Variants in PRKCB observed in about 807,000 individuals in gnomAD.
The protein encoded by PRKCB is protein kinase C beta type.
A neutral mutation model predicts 81.5 loss-of-function variants in PRKCB; 13 were observed. That is an observed-to-expected ratio of 0.16 (90% CI 0.10 to 0.25). The LOEUF (loss-of-function observed/expected upper bound fraction) is 0.25. Ranked by LOEUF, PRKCB falls within the 10% of genes least tolerant of loss-of-function variation. PRKCB has a pLI of 1.00. For missense variants in PRKCB, 509 were observed against 875.7 expected (o/e 0.58, Z 5.29); for synonymous variants, 335 against 321.4 (o/e 1.04, Z -0.45).
At chr16:24,108,343 AAATTTATTT>A (rs1350357383) in intron 7 of PRKCB, among the ~76,000 whole-genome samples, 86 of 126,596 alleles carry the variant, frequency 6.8e-4, no homozygotes, top group African/African-American at 2.5e-3. Flanking sequence ...ATTTTTTTTT[AAATTTATTT>A]ATTTATTTAT....
intron 5 of PRKCB, among the ~76,000 whole-genome samples, chr16:24,086,508 A>G (rs1006563841): frequency 6.6e-6 from 1 of 152,308 alleles, no homozygotes; most frequent in Middle Eastern, 3.4e-3. Context: ...TCTGGGTTCT[A>G]TGATGCAAAC....
intron 3 of PRKCB, among the ~76,000 whole-genome samples, chr16:24,000,818 G>A (rs1965023615): frequency 6.6e-6 from 1 of 152,096 alleles, no homozygotes; most frequent in Admixed American, 6.5e-5. Context: ...CTCAAATTCT[G>A]TGATGCAGTG....
intron 16 of PRKCB, among the ~76,000 whole-genome samples, chr16:24,206,238 T>C (rs868822426): frequency 5.7e-4 from 87 of 152,326 alleles, no homozygotes; most frequent in Admixed American, 4.2e-3. Flanking sequence ...TGTATGCAGC[T>C]TTGAGCATCT....
Position 24,217,066 on chromosome 16 carries a change from C to T in PRKCB, c.*2250C>T, listed in dbSNP as rs762806678. 1.0e-6 allele frequency: 1 copy of T among 967,236 alleles called. No individual in the cohort carries two copies. Among genetic ancestry groups the T allele is most frequent in the South Asian group, 4.8e-5 (1 of 20,726 alleles). 59.9% of individuals were successfully genotyped at this position (967,236 alleles called of 1,614,324 possible). A position where few individuals can be genotyped will look rare whatever the true frequency, so the allele number is the denominator to read the frequency against. On this transcript the variant is annotated 3_prime_UTR_variant, in exon 17 of 17. Transcript: ENST00000643927. ...AATGATCTGAGACAACTTTAGAAAA[C>T]AATGTAGGATGAATGGAAAGAGAAA... is the stretch of plus-strand genomic sequence containing the variant.
At chr16:24,151,434 T>C (rs1369586977) in intron 9 of PRKCB, among the ~76,000 whole-genome samples, 4 of 152,232 alleles carry the variant, frequency 2.6e-5, no homozygotes, top group African/African-American at 9.7e-5. Context: ...TTTAAAATGC[T>C]AAGCAAATAA....
At chr16:23,971,511 G>C (rs559538206) in intron 2 of PRKCB, among the ~76,000 whole-genome samples, 2 of 152,184 alleles carry the variant, frequency 1.3e-5, no homozygotes, top group South Asian at 2.1e-4. Flanking sequence ...TCCCTTGCTG[G>C]TTGACTTTTG....
intron 5 of PRKCB, among the ~76,000 whole-genome samples, chr16:24,045,603 G>C (rs1434593282): frequency 2.6e-5 from 4 of 152,082 alleles, no homozygotes; most frequent in African/African-American, 9.7e-5. Flanking sequence ...CTCAGTTTCA[G>C]TTGAAGCTAA....
rs1968279579 is a variant in PRKCB, at chr16:24,219,132, G to A, written c.*4316G>A. 1.0e-6 allele frequency: 1 copy of A among 985,316 alleles called. No homozygotes were observed. The highest frequency in any genetic ancestry group is 1.7e-5 in the African/African-American group (1 of 57,202). 61.0% of individuals were successfully genotyped at this position (985,316 alleles called of 1,614,324 possible). On this transcript the variant is annotated 3_prime_UTR_variant, in exon 17 of 17. Transcript: ENST00000643927. ...AGCCCACATTCTGATGTTCCCTGGTGAGACTTGCCCCAAGCAATTGCTAGT... is the reference window on the plus strand; with the variant it reads ...AGCCCACATTCTGATGTTCCCTGGTAAGACTTGCCCCAAGCAATTGCTAGT...
intron 9 of PRKCB, among the ~76,000 whole-genome samples, chr16:24,146,047 C>T (rs536382458): frequency 2.0e-5 from 3 of 152,250 alleles, no homozygotes; most frequent in East Asian, 1.9e-4. Context: ...ACAGAACACA[C>T]AGGGAAGAAT....
At chr16:24,107,876 G>A (rs1417246968) in intron 7 of PRKCB, among the ~76,000 whole-genome samples, 2 of 152,208 alleles carry the variant, frequency 1.3e-5, no homozygotes, top group Non-Finnish European at 2.9e-5. Flanking sequence ...ATTTTCCCAA[G>A]TGTGAGACCC....
chr16:23,933,487 G>A (rs1329863221), intron 2 of PRKCB, among the ~76,000 whole-genome samples: 1 of 152,174 alleles, frequency 6.6e-6, no homozygotes, highest in South Asian at 2.1e-4. Context: ...TTGGAGGTTT[G>A]GGAGGAAAAT....
At chr16:24,173,769 T>C (rs1164425075) in intron 11 of PRKCB, among the ~76,000 whole-genome samples, 1 of 152,206 alleles carries the variant, frequency 6.6e-6, no homozygotes, top group Non-Finnish European at 1.5e-5. Context: ...AGATGTTGTT[T>C]CTTATTCCAG....
chr16:23,981,121 G>A (rs1964695359), intron 2 of PRKCB, among the ~76,000 whole-genome samples: 1 of 152,082 alleles, frequency 6.6e-6, no homozygotes, highest in Non-Finnish European at 1.5e-5. Context: ...TATACTTCTA[G>A]ATGTCAACAT....
chr16:24,049,363 A>G (rs999533181), intron 5 of PRKCB, among the ~76,000 whole-genome samples: 5 of 137,858 alleles, frequency 3.6e-5, no homozygotes, highest in Non-Finnish European at 4.7e-5. Context: ...CTTAACCACT[A>G]CCCTGGCACA....
chr16:24,092,737 G>C, intron 5 of PRKCB, 54 bp from the exon 6 acceptor site: 1 of 1,526,550 alleles, frequency 6.6e-7, no homozygotes, highest in Non-Finnish European at 8.9e-7. Flanking sequence ...GTCACTGCTT[G>C]GTGCTTAAAC....
chr16:24,123,378 C>T (rs1050569946), intron 8 of PRKCB, among the ~76,000 whole-genome samples: 2 of 152,102 alleles, frequency 1.3e-5, no homozygotes, highest in Non-Finnish European at 2.9e-5. Context: ...CAGGTAGGGC[C>T]TAAACACACA....
intron 10 of PRKCB, among the ~76,000 whole-genome samples, chr16:24,168,389 A>G (rs1365270721): frequency 1.3e-5 from 2 of 152,142 alleles, no homozygotes; most frequent in Non-Finnish European, 2.9e-5. Flanking sequence ...GCAACTTTTG[A>G]CAGCAAGTCA....
intron 8 of PRKCB, among the ~76,000 whole-genome samples, chr16:24,114,629 T>C (rs571851134): frequency 6.6e-6 from 1 of 152,200 alleles, no homozygotes; most frequent in South Asian, 2.1e-4. Flanking sequence ...TGGGGGAAGA[T>C]AGGTTTGAAT....
At chr16:23,842,393 T>G (rs1962283063) in intron 2 of PRKCB, among the ~76,000 whole-genome samples, 1 of 152,222 alleles carries the variant, frequency 6.6e-6, no homozygotes, top group African/African-American at 2.4e-5. Flanking sequence ...TGATTAGCTG[T>G]AGGAAACTGT....
Sources: gnomAD v4.1 joint callset for allele counts (sites outside exome capture counted in the v4.1 genomes callset) on GRCh38, gnomAD v4.1.1 for gene constraint, MANE v1.5 for transcripts, NCBI Gene and HGNC (gene_info 2026-07-23, HGNC 2026-07-21) for gene names.